Variants in CAST observed in about 807,000 individuals in gnomAD.
CAST encodes calpastatin.
Under a neutral mutation model 119.6 loss-of-function variants are expected in CAST, and 76 were observed. The ratio of observed to expected loss-of-function variants is 0.64; its 90% CI spans 0.53 to 0.77. CAST has a LOEUF of 0.77. CAST is among the 30% of genes least tolerant of loss of function. The pLI is 0.00. For missense variants in CAST, 953 were observed against 946.5 expected, an observed-to-expected ratio of 1.01 and a Z score of -0.09; for synonymous variants, 319 against 331.6, an observed-to-expected ratio of 0.96 and a Z score of 0.41.
the CAST span, among the ~76,000 whole-genome samples, chr5:96,407,020 A>T: frequency 6.6e-6 from 1 of 152,240 alleles, no homozygotes; most frequent in African/African-American, 2.4e-5. Context: ...TTTTTTTAAC[A>T]TCATACACTA....
the CAST span, among the ~76,000 whole-genome samples, chr5:96,103,563 G>A: frequency 7.9e-6 from 1 of 126,094 alleles, no homozygotes; most frequent in South Asian, 2.7e-4. Context: ...GTATTCCATG[G>A]TGTATATGTG....
the CAST span, among the ~76,000 whole-genome samples, chr5:96,109,782 C>T: frequency 1.3e-5 from 2 of 152,032 alleles, no homozygotes; most frequent in South Asian, 4.2e-4. Flanking sequence ...GAGTAGTTTT[C>T]CCTGGGCTTT....
At chr5:95,962,003 T>C in the CAST span, 6 of 413,466 alleles carry the variant, frequency 1.5e-5, no homozygotes, top group African/African-American at 6.2e-5. Flanking sequence ...CCAAAGTCAC[T>C]AGAGTTTTGC....
At chr5:96,101,380 A>C in the CAST span, among the ~76,000 whole-genome samples, 3 of 152,234 alleles carry the variant, frequency 2.0e-5, no homozygotes, top group African/African-American at 4.8e-5. Flanking sequence ...ATATGTAGAA[A>C]GTGCTCAATA....
chr5:96,767,509 T>C (rs771690703), intron 28 of CAST, 27 bp downstream of exon 28: 1 of 1,598,296 alleles, frequency 6.3e-7, no homozygotes, highest in South Asian at 1.1e-5. Flanking sequence ...CATATTTCCA[T>C]TAAATTTTGT....
At chr5:96,537,701 A>G (rs1745844228) in intron 1 of CAST, among the ~76,000 whole-genome samples, 1 of 152,184 alleles carries the variant, frequency 6.6e-6, no homozygotes, top group Non-Finnish European at 1.5e-5. Context: ...CAAAGGGTGG[A>G]TAACTTTCTC....
chr5:96,028,383 A>G, the CAST span, among the ~76,000 whole-genome samples: 4 of 152,086 alleles, frequency 2.6e-5, no homozygotes, highest in Non-Finnish European at 4.4e-5. Flanking sequence ...TAATATTTTC[A>G]GACAAGATCA....
chr5:95,994,638 A>G, the CAST span, among the ~76,000 whole-genome samples: 2 of 152,262 alleles, frequency 1.3e-5, no homozygotes, highest in South Asian at 2.1e-4. Context: ...AGAAATATAC[A>G]TTGAAAAAGG....
the CAST span, among the ~76,000 whole-genome samples, chr5:96,471,649 G>C: frequency 2.0e-5 from 3 of 152,070 alleles, no homozygotes; most frequent in Non-Finnish European, 4.4e-5. Context: ...GTGACACACA[G>C]AAAATCATTC....
the CAST span, among the ~76,000 whole-genome samples, chr5:95,966,825 T>C: frequency 1.3e-5 from 2 of 152,184 alleles, no homozygotes; most frequent in African/African-American, 4.8e-5. Context: ...CTCTAGAAAG[T>C]TGTATGTCCT....
the CAST span, among the ~76,000 whole-genome samples, chr5:96,277,862 T>C: frequency 5.3e-3 from 805 of 152,214 alleles, 7 homozygotes; most frequent in African/African-American, 0.018. Flanking sequence ...TTCATTTCAA[T>C]TGATACAGGA....
chr5:96,019,598 G>GA, the CAST span, among the ~76,000 whole-genome samples: 10 of 151,814 alleles, frequency 6.6e-5, 1 homozygote, highest in Admixed American at 2.0e-4. Context: ...GCAAAACTCT[G>GA]AAAAAAAATT....
intron 3 of CAST, among the ~76,000 whole-genome samples, chr5:96,703,292 G>T (rs1216896316): frequency 6.6e-6 from 1 of 152,102 alleles, no homozygotes; most frequent in Admixed American, 6.5e-5. Flanking sequence ...GTTTGGTTTG[G>T]CACCTTTATC....
the CAST span, among the ~76,000 whole-genome samples, chr5:96,132,241 T>C: frequency 6.6e-6 from 1 of 151,894 alleles, no homozygotes; most frequent in Admixed American, 6.6e-5. Context: ...GTTGAAAGCC[T>C]GCACTAGGGA....
intron 1 of CAST, among the ~76,000 whole-genome samples, chr5:96,622,714 T>C (rs954373779): frequency 1.3e-5 from 2 of 152,202 alleles, no homozygotes; most frequent in Admixed American, 1.3e-4. Flanking sequence ...TGTCTCAAGA[T>C]TTAAAAACTT....
the CAST span, among the ~76,000 whole-genome samples, chr5:96,250,165 A>T: frequency 2.6e-5 from 4 of 152,204 alleles, no homozygotes; most frequent in African/African-American, 7.2e-5. Flanking sequence ...TGATTGATGA[A>T]CTTTGGAACT....
the CAST span, among the ~76,000 whole-genome samples, chr5:96,169,660 A>G: frequency 1.3e-5 from 2 of 152,104 alleles, no homozygotes; most frequent in African/African-American, 4.8e-5. Context: ...AAGGGTGATT[A>G]GGTTTTAATG....
At position 96,737,756 on chromosome 5, in the gene CAST, G is replaced by T. The variant is rs112551965; in HGVS notation, c.700-93G>T. On this transcript the variant is annotated intron_variant, in intron 10 of 31. Transcript: ENST00000675179. ...TTTGAAGAACTTTTGGTGTTTGGTGGTTTTTCTACACAGAATGGCTTTTTT... is the reference window on the plus strand; with the variant it reads ...TTTGAAGAACTTTTGGTGTTTGGTGTTTTTTCTACACAGAATGGCTTTTTT... The T allele has an allele frequency of 9.1e-3, 5,973 of 658,412 alleles. 82 individuals carry two copies. The highest frequency in any genetic ancestry group is 0.036 in the South Asian group (1,654 of 45,498). 40.8% of individuals were successfully genotyped at this position (658,412 alleles called of 1,614,324 possible). A position where few individuals can be genotyped will look rare whatever the true frequency, so the allele number is the denominator to read the frequency against.
intron 1 of CAST, among the ~76,000 whole-genome samples, chr5:96,534,741 GAAAGAA>G (rs1166147877): frequency 0.011 from 98 of 9,144 alleles, no homozygotes; most frequent in African/African-American, 0.028. Flanking sequence ...GAGAGAGAGA[GAAAGAA>G]AGAAAGAAAG....
Sources: allele counts gnomAD v4.1 joint callset (sites outside exome capture counted in the v4.1 genomes callset), GRCh38; gene constraint gnomAD v4.1.1; transcripts MANE v1.5; gene names NCBI Gene and HGNC (gene_info 2026-07-23, HGNC 2026-07-21).